RREB1: variants seen among roughly 807,000 people sequenced by gnomAD.
RREB1 encodes the protein ras-responsive element-binding protein 1.
A neutral mutation model predicts 117.8 loss-of-function variants in RREB1; 27 were observed. The ratio of observed to expected loss-of-function variants is 0.23; its 90% CI spans 0.17 to 0.32. RREB1 has a LOEUF of 0.32. RREB1 is among the 10% of genes least tolerant of loss of function. The pLI, the probability that RREB1 is intolerant of heterozygous loss-of-function variation, is 1.00. For synonymous variants in RREB1, 1,298 were observed against 1,026.7 expected, an observed-to-expected ratio of 1.26 and a Z score of -5.05; for missense variants, 2,577 against 2,378.2, an observed-to-expected ratio of 1.08 and a Z score of -1.74.
intron 1 of RREB1, among the ~76,000 whole-genome samples, chr6:7,164,479 A>G (rs1362968840): frequency 2.6e-5 from 4 of 152,230 alleles, no homozygotes; most frequent in African/African-American, 4.8e-5. Flanking sequence ...CATTAACCTC[A>G]CATATGCTGA....
chr6:7,187,788 A>T lies in RREB1; in HGVS notation c.261+265A>T, dbSNP rs545831300. 1.9e-4 allele frequency: 38 copies of T among 196,878 alleles called. No homozygotes were observed. The East Asian group carries it at 4.4e-3, about 23-fold the overall frequency. 12.2% of individuals were successfully genotyped at this position (196,878 alleles called of 1,614,324 possible). A position where few individuals can be genotyped will look rare whatever the true frequency, so the allele number is the denominator to read the frequency against. ...TGCCTAATTTAAATTTAGTTTTTTA[A>T]ATAATTTTGGGAGGTGGTTATGAAA... On this transcript the variant is annotated intron_variant, in intron 5 of 12. Transcript: ENST00000379938.
intron 8 of RREB1, among the ~76,000 whole-genome samples, chr6:7,221,837 G>A (rs1767279017): frequency 6.6e-6 from 1 of 152,224 alleles, no homozygotes; most frequent in South Asian, 2.1e-4. Context: ...GAGAGAACAT[G>A]TTCCTTTGAA....
chr6:7,218,789 C>A (rs1767057323), intron 8 of RREB1: 1 of 145,442 alleles, frequency 6.9e-6, no homozygotes, highest in Non-Finnish European at 1.5e-5. Context: ...TATCACACTG[C>A]ATTTCTATCC....
In RREB1 at chr6:7,251,755, A is replaced by C. The variant is rs897092395; in HGVS notation, c.*2787A>C. 18 of 152,178 alleles carry C rather than the reference A, an allele frequency of 1.2e-4. No individual in the cohort carries two copies. Among genetic ancestry groups the C allele is most frequent in the African/African-American group, 4.3e-4 (18 of 41,454 alleles). The allele number at this position is 152,178 out of a possible 1,614,324, so 9.4% of individuals were successfully genotyped here. On this transcript the variant is annotated 3_prime_UTR_variant, in exon 13 of 13. Coordinates refer to ENST00000379938, the MANE Select transcript of RREB1 (RefSeq NM_001003699.4). ...CCCATGCATTAAACAGGAAACAATA[A>C]TAAATTTGTAGAATTCATATTTTTC... is the stretch of plus-strand genomic sequence containing the variant.
Position 7,187,527 on chromosome 6 carries a change from G to T in RREB1, c.261+4G>T. The T allele has an allele frequency of 7.3e-7, 1 of 1,373,940 alleles. No homozygotes were observed. Among genetic ancestry groups the T allele is most frequent in the Non-Finnish European group, 9.7e-7 (1 of 1,036,064 alleles). The allele number at this position is 1,373,940 out of a possible 1,614,324, so 85.1% of individuals were successfully genotyped here. A position where few individuals can be genotyped will look rare whatever the true frequency, so the allele number is the denominator to read the frequency against. ...GCTGACCATGCACATTCGCCAGGTA[G>T]ATTCCCACTGTTCTTTTATTTTATT... is the stretch of plus-strand genomic sequence containing the variant. On this transcript the variant is annotated splice_donor_region_variant and intron_variant, in intron 5 of 12. Coordinates refer to ENST00000379938, the MANE Select transcript of RREB1 (RefSeq NM_001003699.4).
At chr6:7,169,351 G>A (rs1190428881) in intron 1 of RREB1, among the ~76,000 whole-genome samples, 1 of 152,230 alleles carries the variant, frequency 6.6e-6, no homozygotes, top group Non-Finnish European at 1.5e-5. Flanking sequence ...TCCAGCATGG[G>A]TGCTTCCTTA....
intron 1 of RREB1, among the ~76,000 whole-genome samples, chr6:7,118,261 C>T (rs182032754): frequency 6.6e-6 from 1 of 152,154 alleles, no homozygotes; most frequent in Non-Finnish European, 1.5e-5. Context: ...GCTGGGATTA[C>T]AGGCGCATGC....
chr6:7,196,336 T>G (rs1765675911), intron 6 of RREB1, among the ~76,000 whole-genome samples: 1 of 151,474 alleles, frequency 6.6e-6, no homozygotes, highest in Admixed American at 6.6e-5. Flanking sequence ...GGTGCCTTTA[T>G]AGAGCAACTC....
intron 10 of RREB1, among the ~76,000 whole-genome samples, chr6:7,238,328 C>T (rs546282639): frequency 6.6e-6 from 1 of 152,352 alleles, no homozygotes; most frequent in South Asian, 2.1e-4. Context: ...ACCTCCGCCT[C>T]CCAGGCTCAA....
chr6:7,249,070 A>T lies in RREB1; in HGVS notation c.*102A>T, dbSNP rs1769288729. ...CTTTGGCTGTTGAGGAGTGAGAGAGAGAGAGAGAGAGAGAGAGAGAGAGAG... is the reference window on the plus strand; with the variant it reads ...CTTTGGCTGTTGAGGAGTGAGAGAGTGAGAGAGAGAGAGAGAGAGAGAGAG... On this transcript the variant is annotated 3_prime_UTR_variant, in exon 13 of 13. Coordinates refer to ENST00000379938, the MANE Select transcript of RREB1 (RefSeq NM_001003699.4). 1.8e-5 allele frequency: 4 copies of T among 227,102 alleles called. No homozygotes were observed. Among genetic ancestry groups the T allele is most frequent in the Non-Finnish European group, 2.9e-5 (4 of 135,834 alleles). 14.1% of individuals were successfully genotyped at this position (227,102 alleles called of 1,614,324 possible).
rs377619080 is a variant in RREB1 at position 7,134,814 on chromosome 6, A to G, written c.-285+26754A>G. 3.3e-5 allele frequency among the ~76,000 whole-genome samples: 5 copies of G among 152,406 alleles called. No homozygotes were observed. In the South Asian group the frequency reaches 6.2e-4, roughly 19 times the overall value. ...AACCCTAAAGTCTAATGTCAGGAAA[A>G]TAACGATTAGACTAGTTCTGAACCG... On this transcript the variant is annotated intron_variant, in intron 1 of 12. Coordinates refer to ENST00000379938, the MANE Select transcript of RREB1 (RefSeq NM_001003699.4).
At chr6:7,108,190 T>C (rs1485645646) in intron 1 of RREB1, 130 bp downstream of exon 1, 1 of 152,252 alleles carries the variant, frequency 6.6e-6, no homozygotes, top group Non-Finnish European at 1.5e-5. Context: ...CGTTGTACTT[T>C]TGAAACTCGG....
intron 1 of RREB1, among the ~76,000 whole-genome samples, chr6:7,111,237 T>TG (rs773040461): frequency 1.3e-5 from 2 of 152,242 alleles, no homozygotes; most frequent in Non-Finnish European, 2.9e-5. Flanking sequence ...TTTGAACTGT[T>TG]GCGTTATTCC....
In RREB1 at chr6:7,230,190, G is replaced by A; in HGVS notation, c.2091G>A (p.Arg697=). The A allele has an allele frequency of 1.2e-6, 2 of 1,606,254 alleles. No homozygotes were observed. The highest frequency in any genetic ancestry group is 8.5e-7 in the Non-Finnish European group (1 of 1,179,924). ...ACCTGCGCACGCACAGTGGGGAGCG[G>A]CCCTACATTTGCAAGATCTGCCACT... ...IRHLRTHSGE[R]PYICKICHYP... is the part of the protein sequence containing the mutation. Residue 697 remains arginine, a synonymous_variant, in exon 10 of 13, where the codon CGG becomes CGA. Coordinates refer to ENST00000379938, the MANE Select transcript of RREB1 (RefSeq NM_001003699.4).
chr6:7,167,502 C>T (rs895077583), intron 1 of RREB1, among the ~76,000 whole-genome samples: 1 of 151,844 alleles, frequency 6.6e-6, no homozygotes, highest in Non-Finnish European at 1.5e-5. Context: ...TACAGGTACC[C>T]GCCACCACGC....
chr6:7,126,064 C>T (rs776025472), intron 1 of RREB1, among the ~76,000 whole-genome samples: 102 of 152,258 alleles, frequency 6.7e-4, no homozygotes, highest in African/African-American at 2.1e-3. Context: ...TGCAGTGGCA[C>T]GATCTCGGCT....
chr6:7,239,678 TTGA>T (rs1561804494), intron 10 of RREB1, among the ~76,000 whole-genome samples: 1 of 152,218 alleles, frequency 6.6e-6, no homozygotes, highest in Non-Finnish European at 1.5e-5. Flanking sequence ...TGCACATCTG[TTGA>T]GTGGAGCACA....
At chr6:7,144,980 A>G (rs765663034) in intron 1 of RREB1, among the ~76,000 whole-genome samples, 6 of 152,202 alleles carry the variant, frequency 3.9e-5, no homozygotes, top group Non-Finnish European at 5.9e-5. Flanking sequence ...ACATACAAAC[A>G]TAGTTAAGGG....
At chr6:7,181,018 G>T in intron 2 of RREB1, 106 bp from the exon 3 acceptor site, 1 of 394,240 alleles carries the variant, frequency 2.5e-6, no homozygotes, top group Non-Finnish European at 4.5e-6. Context: ...TGTGCTCCTT[G>T]CATTGTTGTG....
Sources: gnomAD v4.1 joint callset for allele counts (sites outside exome capture counted in the v4.1 genomes callset) on GRCh38, gnomAD v4.1.1 for gene constraint, MANE v1.5 for transcripts, NCBI Gene and HGNC (gene_info 2026-07-23, HGNC 2026-07-21) for gene names.